Variants in EML6 observed in about 807,000 individuals in gnomAD.
The protein encoded by EML6 is echinoderm microtubule-associated protein-like 6.
EML6 carries 154 observed loss-of-function variants against 240.1 expected under a neutral mutation model. The ratio of observed to expected loss-of-function variants is 0.64; its 90% CI spans 0.56 to 0.73. The LOEUF (loss-of-function observed/expected upper bound fraction) is 0.73. EML6 is among the 30% of genes least tolerant of loss of function. The probability of loss-of-function intolerance (pLI) is 0.00; values close to 1 mark genes in which losing one functional copy is unlikely to be tolerated. For synonymous variants in EML6, 1,148 were observed against 899.0 expected, an observed-to-expected ratio of 1.28 and a Z score of -4.95; for missense variants, 2,964 against 2,474.6, an observed-to-expected ratio of 1.20 and a Z score of -4.20.
At chr2:54,928,780 T>C in intron 28 of EML6, 29 bp downstream of exon 28, 1 of 1,551,454 alleles carries the variant, frequency 6.4e-7, no homozygotes, top group Non-Finnish European at 8.7e-7. Context: ...TGCTTGCTTT[T>C]ATTATACCTG....
chr2:54,873,870 C>G (rs1483369890), intron 16 of EML6, among the ~76,000 whole-genome samples: 2 of 145,110 alleles, frequency 1.4e-5, no homozygotes, highest in African/African-American at 5.1e-5. Flanking sequence ...AGCTGTGATT[C>G]AAAATGACAA....
At chr2:54,834,157 C>G (rs6747033) in intron 7 of EML6, among the ~76,000 whole-genome samples, 29,009 of 152,022 alleles carry the variant, frequency 0.19, 4,090 homozygotes, top group African/African-American at 0.4. Context: ...GGTGGCGGGG[C>G]ATGGGGAGAA....
chr2:54,901,622 G>A (rs1478637795), intron 22 of EML6, among the ~76,000 whole-genome samples: 1 of 152,188 alleles, frequency 6.6e-6, no homozygotes, highest in Non-Finnish European at 1.5e-5. Flanking sequence ...TGGTCTGTAC[G>A]ATAGATTGTG....
At chr2:54,735,048 C>T (rs1414517102) in intron 2 of EML6, among the ~76,000 whole-genome samples, 1 of 152,202 alleles carries the variant, frequency 6.6e-6, no homozygotes, top group Non-Finnish European at 1.5e-5. Context: ...GTTTCCTCAT[C>T]CCTGTGTGTA....
At chr2:54,926,579 C>T (rs549245620) in intron 26 of EML6, among the ~76,000 whole-genome samples, 5 of 152,336 alleles carry the variant, frequency 3.3e-5, no homozygotes, top group South Asian at 2.1e-4. Flanking sequence ...TAGGCCCTGC[C>T]GGGAACCACT....
chr2:54,861,699 T>G (rs987760075), intron 12 of EML6, among the ~76,000 whole-genome samples: 11 of 151,804 alleles, frequency 7.2e-5, no homozygotes, highest in African/African-American at 2.7e-4. Context: ...CTTAAAACCA[T>G]TGGCCAGTCA....
At chr2:54,919,383 A>G (rs1478602304) in intron 26 of EML6, among the ~76,000 whole-genome samples, 1 of 152,140 alleles carries the variant, frequency 6.6e-6, no homozygotes, top group Non-Finnish European at 1.5e-5. Context: ...TAACCTGAAC[A>G]TAGCAGTTAC....
chr2:54,870,030 C>G (rs1671171235), intron 15 of EML6, among the ~76,000 whole-genome samples: 1 of 152,094 alleles, frequency 6.6e-6, no homozygotes, highest in Admixed American at 6.5e-5. Flanking sequence ...TTATCTTTTC[C>G]TCAAATGTAT....
chr2:54,899,624 C>T lies in EML6; in HGVS notation c.2983-17C>T, dbSNP rs1672951850. On this transcript the variant is annotated splice_polypyrimidine_tract_variant and intron_variant, in intron 21 of 41. Transcript: ENST00000356458. Reference sequence around the variant, plus strand: ...AGCATAAGTAGAGTTTATGTTGCCCCTTTTCCTCTCCCACAGGGGCACATG... The same window carrying T: ...AGCATAAGTAGAGTTTATGTTGCCCTTTTTCCTCTCCCACAGGGGCACATG... 1 of 1,551,198 alleles carries T rather than the reference C, an allele frequency of 6.4e-7. No homozygotes were observed. The highest frequency in any genetic ancestry group is 1.4e-5 in the African/African-American group (1 of 73,016).
intron 7 of EML6, among the ~76,000 whole-genome samples, chr2:54,831,478 C>T (rs1668865858): frequency 6.6e-6 from 1 of 151,844 alleles, no homozygotes; most frequent in Non-Finnish European, 1.5e-5. Context: ...CCACAGCCAA[C>T]TCCCATCTAC....
intron 2 of EML6, among the ~76,000 whole-genome samples, chr2:54,759,194 A>G (rs1335434771): frequency 6.7e-6 from 1 of 149,792 alleles, no homozygotes; most frequent in Non-Finnish European, 1.5e-5. Context: ...CTTTTCAGGT[A>G]GTAGGAAATG....
intron 26 of EML6, among the ~76,000 whole-genome samples, chr2:54,922,617 A>G (rs1316045621): frequency 1.3e-5 from 2 of 152,262 alleles, no homozygotes; most frequent in Admixed American, 1.3e-4. Context: ...ATTATTTACA[A>G]TAGCCAAGAT....
intron 17 of EML6, among the ~76,000 whole-genome samples, chr2:54,886,447 G>A (rs1413229009): frequency 6.6e-6 from 1 of 152,088 alleles, no homozygotes; most frequent in South Asian, 2.1e-4. Flanking sequence ...TGGGATTACA[G>A]GTGTGCGCCA....
intron 28 of EML6, among the ~76,000 whole-genome samples, chr2:54,938,591 A>G (rs1230701870): frequency 6.6e-6 from 1 of 152,206 alleles, no homozygotes; most frequent in Non-Finnish European, 1.5e-5. Context: ...CAGCTCCCAC[A>G]GTATAAGTAA....
intron 28 of EML6, among the ~76,000 whole-genome samples, chr2:54,932,558 T>G (rs1011964471): frequency 6.6e-6 from 1 of 152,212 alleles, no homozygotes; most frequent in African/African-American, 2.4e-5. Context: ...TTTGCCGTGT[T>G]TTCTTATAAT....
chr2:54,894,174 A>C lies in EML6; in HGVS notation c.2743-741A>C, dbSNP rs566888542. Among the ~76,000 whole-genome samples, 588 of 151,046 alleles carry C rather than the reference A, an allele frequency of 3.9e-3. 5 individuals carry two copies. The highest frequency in any genetic ancestry group is 0.014 in the African/African-American group (569 of 41,036). On this transcript the variant is annotated intron_variant, in intron 19 of 41. Transcript: ENST00000356458. ...TGCATTAAATTAAAAGTTGCTAAGA[A>C]AGCAGTGAATTACTCAGCTTTTTTC...
intron 24 of EML6, among the ~76,000 whole-genome samples, chr2:54,908,550 A>G (rs1673469651): frequency 6.6e-6 from 1 of 152,170 alleles, no homozygotes; most frequent in Non-Finnish European, 1.5e-5. Flanking sequence ...TTAGCAATGA[A>G]CTAGAAAACG....
intron 3 of EML6, among the ~76,000 whole-genome samples, chr2:54,815,807 T>C (rs180737446): frequency 2.6e-5 from 4 of 152,236 alleles, no homozygotes; most frequent in African/African-American, 9.6e-5. Context: ...TGTGGCTGTC[T>C]GTTTCATCCA....
chr2:54,888,143 A>C (rs9309260), intron 17 of EML6, among the ~76,000 whole-genome samples: 56,775 of 152,038 alleles, frequency 0.37, 11,091 homozygotes, highest in African/African-American at 0.43. Context: ...GTGCTCAAAT[A>C]TCTCTCTCGA....
Sources: gnomAD v4.1 joint callset for allele counts (sites outside exome capture counted in the v4.1 genomes callset) on GRCh38, gnomAD v4.1.1 for gene constraint, MANE v1.5 for transcripts, NCBI Gene and HGNC (gene_info 2026-07-23, HGNC 2026-07-21) for gene names.